The following PARD3B variants were observed in gnomAD, a reference collection of about 807,000 sequenced individuals.
The protein encoded by PARD3B is partitioning defective 3 homolog B.
PARD3B carries 103 observed loss-of-function variants against 130.2 expected under a neutral mutation model. The observed-to-expected ratio is 0.79, with a 90% CI of 0.67 to 0.93. The LOEUF (loss-of-function observed/expected upper bound fraction) is 0.93, where lower values mean the gene tolerates loss of function less well. PARD3B is among the 40% of genes least tolerant of loss of function. The probability of loss-of-function intolerance (pLI) is 0.00; values close to 1 mark genes in which losing one functional copy is unlikely to be tolerated. For synonymous variants in PARD3B, 583 were observed against 553.2 expected (o/e 1.05, Z -0.76); for missense variants, 1,609 against 1,499.2 (o/e 1.07, Z -1.21).
intron 2 of PARD3B, among the ~76,000 whole-genome samples, chr2:204,883,408 TATATATATAATATATATATATATAAAATA>T (rs1559226200): frequency 1.7e-5 from 2 of 114,374 alleles, no homozygotes; most frequent in Non-Finnish European, 3.7e-5. Flanking sequence ...ATATATATTA[TATATATATAATATATATATATATAAAATA>T]TATATATATA....
At chr2:205,086,948 A>G (rs969085537) in intron 4 of PARD3B, among the ~76,000 whole-genome samples, 1 of 152,266 alleles carries the variant, frequency 6.6e-6, no homozygotes, top group Admixed American at 6.5e-5. Flanking sequence ...TTGTAAATAC[A>G]GCAGATAATT....
rs375803411 is a variant in PARD3B, at chr2:205,575,874, T to C, written c.3260+22471T>C. On this transcript the variant is annotated intron_variant, in intron 22 of 22. Coordinates refer to ENST00000406610, the MANE Select transcript of PARD3B (RefSeq NM_001302769.2). This position sits in a 1 kb window ranked among gnomAD's most constrained non-coding sequence, Gnocchi z 4.6. ...TCTTGTGGACATAAGTTTTCAGCTC[T>C]TTTGGGTAAATACCAAGGAACATGA... 5.9e-5 allele frequency among the ~76,000 whole-genome samples: 9 copies of C among 152,172 alleles called. No individual in the cohort carries two copies. Among genetic ancestry groups the C allele is most frequent in the African/African-American group, 2.2e-4 (9 of 41,448 alleles).
intron 4 of PARD3B, among the ~76,000 whole-genome samples, chr2:205,059,098 A>C (rs1349736395): frequency 6.6e-6 from 1 of 151,802 alleles, no homozygotes; most frequent in East Asian, 1.9e-4. Flanking sequence ...TTTTGAGTTA[A>C]TTTTTGTACA....
At chr2:205,386,981 A>C (rs1404345039) in intron 18 of PARD3B, among the ~76,000 whole-genome samples, 1 of 152,192 alleles carries the variant, frequency 6.6e-6, no homozygotes, top group Non-Finnish European at 1.5e-5. Context: ...TCACAGAGGT[A>C]GATAATTAAA....
At chr2:205,270,123 C>T (rs1230618203) in intron 16 of PARD3B, among the ~76,000 whole-genome samples, 1 of 151,986 alleles carries the variant, frequency 6.6e-6, no homozygotes, top group African/African-American at 2.4e-5. Context: ...AATATGTATA[C>T]CTACTATGTA....
At chr2:205,056,914 CATAT>C (rs34573981) in intron 4 of PARD3B, among the ~76,000 whole-genome samples, 2 of 124,710 alleles carry the variant, frequency 1.6e-5, no homozygotes, top group Admixed American at 8.2e-5. Context: ...CACACACACA[CATAT>C]ATATATATAT....
intron 2 of PARD3B, among the ~76,000 whole-genome samples, chr2:204,713,469 A>G (rs1310057127): frequency 6.6e-6 from 1 of 151,530 alleles, no homozygotes. Flanking sequence ...GAACATTCAC[A>G]TTGTTATGTA....
chr2:204,989,753 C>G (rs1412773308), intron 3 of PARD3B, among the ~76,000 whole-genome samples: 1 of 152,010 alleles, frequency 6.6e-6, no homozygotes, highest in Non-Finnish European at 1.5e-5. Flanking sequence ...ATATTGCACT[C>G]CTAAGGAGTA....
intron 3 of PARD3B, among the ~76,000 whole-genome samples, chr2:204,999,686 G>C (rs1019731286): frequency 2.0e-5 from 3 of 152,184 alleles, no homozygotes; most frequent in Non-Finnish European, 4.4e-5. Flanking sequence ...TTCACAAGGA[G>C]CCTATTGGAA....
Position 204,678,268 on chromosome 2 carries a change from A to G in PARD3B, c.121-7913A>G, listed in dbSNP as rs1041272194. ...AGTAACCGGGCCCGTGGTAGCAATC[A>G]GTGGTTGCCCGCAACTTCTGGAGCC... On this transcript the variant is annotated intron_variant, in intron 1 of 22. Transcript: ENST00000406610. The surrounding 1 kb of genome is among the most constrained non-coding windows in gnomAD (Gnocchi z 4.2). 1.3e-5 allele frequency among the ~76,000 whole-genome samples: 2 copies of G among 152,176 alleles called. No individual in the cohort carries two copies. Among genetic ancestry groups the G allele is most frequent in the African/African-American group, 4.8e-5 (2 of 41,438 alleles).
chr2:205,310,391 C>T (rs2042338811), intron 18 of PARD3B, among the ~76,000 whole-genome samples: 1 of 152,002 alleles, frequency 6.6e-6, no homozygotes, highest in South Asian at 2.1e-4. Flanking sequence ...AAGTACAAGA[C>T]ATATTGTTTT....
intron 2 of PARD3B, among the ~76,000 whole-genome samples, chr2:204,730,433 T>C (rs1237774552): frequency 6.6e-6 from 1 of 152,178 alleles, no homozygotes; most frequent in African/African-American, 2.4e-5. Flanking sequence ...TGTGACTGCA[T>C]TTTGTCATAT....
intron 2 of PARD3B, among the ~76,000 whole-genome samples, chr2:204,916,147 T>C (rs894706495): frequency 2.0e-5 from 3 of 152,230 alleles, no homozygotes; most frequent in Non-Finnish European, 2.9e-5. Context: ...CGGTTGGCTG[T>C]TTATTTTCCA....
intron 4 of PARD3B, among the ~76,000 whole-genome samples, chr2:205,069,612 C>T (rs1025320918): frequency 6.6e-6 from 1 of 151,890 alleles, no homozygotes; most frequent in Non-Finnish European, 1.5e-5. Flanking sequence ...GTAGATTATA[C>T]TTACTGTGAT....
At chr2:204,577,892 T>C (rs528343701) in intron 1 of PARD3B, among the ~76,000 whole-genome samples, 1 of 152,274 alleles carries the variant, frequency 6.6e-6, no homozygotes, top group East Asian at 1.9e-4. Flanking sequence ...TAAATGATGG[T>C]TTGTAAAGAG....
At chr2:204,685,623 G>A (rs908645072) in intron 1 of PARD3B, among the ~76,000 whole-genome samples, 18 of 152,188 alleles carry the variant, frequency 1.2e-4, no homozygotes, top group South Asian at 2.1e-4. Flanking sequence ...AATGGCAAGC[G>A]AGGCTGGAGC....
intron 3 of PARD3B, among the ~76,000 whole-genome samples, chr2:205,002,055 G>T (rs1694882127): frequency 6.6e-6 from 1 of 152,116 alleles, no homozygotes. Flanking sequence ...AATATAAGTA[G>T]CTACGATTAA....
intron 11 of PARD3B, among the ~76,000 whole-genome samples, chr2:205,164,703 T>A (rs1461959037): frequency 6.6e-6 from 1 of 152,074 alleles, no homozygotes; most frequent in African/African-American, 2.4e-5. Flanking sequence ...AAAAAGGAAA[T>A]TATAATCTAC....
At chr2:205,124,606 A>G (rs1368345539) in intron 9 of PARD3B, 140 bp downstream of exon 9, 6 of 615,494 alleles carry the variant, frequency 9.7e-6, no homozygotes, top group Non-Finnish European at 2.2e-6. Context: ...ACTTATAGAC[A>G]AGATAAGAAC....
Sources: gnomAD v4.1 joint callset for allele counts (sites outside exome capture counted in the v4.1 genomes callset) on GRCh38, gnomAD v4.1.1 for gene constraint, Gnocchi (gnomAD v3.1) non-coding constraint, MANE v1.5 for transcripts, NCBI Gene and HGNC (gene_info 2026-07-23, HGNC 2026-07-21) for gene names.